The following KSR2 variants were observed in gnomAD, a reference collection of about 807,000 sequenced individuals.
The protein encoded by KSR2 is kinase suppressor of ras 2.
KSR2 carries 25 observed loss-of-function variants against 107.8 expected under a neutral mutation model. The observed-to-expected ratio is 0.23, with a 90% CI of 0.17 to 0.32. KSR2 has a LOEUF of 0.32. Among genes scored for constraint, KSR2 ranks in the 10% least tolerant of loss-of-function variants. The pLI is 1.00. For synonymous variants in KSR2, 480 were observed against 507.0 expected, an observed-to-expected ratio of 0.95 and a Z score of 0.71; for missense variants, 887 against 1,268.9, an observed-to-expected ratio of 0.70 and a Z score of 4.57.
intron 3 of KSR2, among the ~76,000 whole-genome samples, chr12:117,820,687 C>T (rs1891534122): frequency 6.6e-6 from 1 of 151,986 alleles, no homozygotes; most frequent in African/African-American, 2.4e-5. Context: ...CCTTCCCCTA[C>T]AACCCAGAGG....
chr12:117,862,303 G>A (rs903217541), intron 1 of KSR2, among the ~76,000 whole-genome samples: 3 of 152,054 alleles, frequency 2.0e-5, no homozygotes, highest in African/African-American at 7.2e-5. Context: ...TAGGTATGGA[G>A]GTGTCTGTGG....
At chr12:117,622,029 G>A (rs1334064996) in intron 5 of KSR2, among the ~76,000 whole-genome samples, 1 of 152,036 alleles carries the variant, frequency 6.6e-6, no homozygotes, top group African/African-American at 2.4e-5. Context: ...AATAATCTCA[G>A]TGAGCACATG....
intron 3 of KSR2, among the ~76,000 whole-genome samples, chr12:117,783,461 G>T (rs1009523259): frequency 3.3e-5 from 5 of 152,182 alleles, no homozygotes; most frequent in Non-Finnish European, 7.3e-5. Context: ...CACCTCATAG[G>T]ATTGTTTTGA....
At chr12:117,949,038 G>A (rs1461741213) in intron 1 of KSR2, among the ~76,000 whole-genome samples, 3 of 152,150 alleles carry the variant, frequency 2.0e-5, no homozygotes, top group East Asian at 1.9e-4. Context: ...AGGTTGCAGC[G>A]AGCTGAGATT....
intron 3 of KSR2, among the ~76,000 whole-genome samples, chr12:117,821,442 A>G (rs1206761735): frequency 6.6e-6 from 1 of 151,962 alleles, no homozygotes; most frequent in Non-Finnish European, 1.5e-5. Context: ...CTTCCTTATG[A>G]TTTTCTTAAT....
intron 1 of KSR2, among the ~76,000 whole-genome samples, chr12:117,931,301 G>T (rs1895689486): frequency 6.6e-6 from 1 of 152,106 alleles, no homozygotes; most frequent in Non-Finnish European, 1.5e-5. Flanking sequence ...GATGACCTGG[G>T]AATTCATTTT....
At chr12:117,678,758 GACA>G (rs1359655982) in intron 4 of KSR2, among the ~76,000 whole-genome samples, 2 of 152,176 alleles carry the variant, frequency 1.3e-5, no homozygotes, top group Admixed American at 1.3e-4. Flanking sequence ...GAGGACAATG[GACA>G]ACATGATGTG....
intron 5 of KSR2, among the ~76,000 whole-genome samples, chr12:117,656,544 G>A (rs1020609949): frequency 6.6e-6 from 1 of 152,208 alleles, no homozygotes. Flanking sequence ...AACCCAGGAG[G>A]TGGAGGCTGT....
At chr12:117,652,206 A>G (rs186700229) in intron 5 of KSR2, among the ~76,000 whole-genome samples, 163 of 152,330 alleles carry the variant, frequency 1.1e-3, no homozygotes, top group Non-Finnish European at 1.9e-3. Flanking sequence ...AATATGGTAC[A>G]GTGTATACTG....
At chr12:117,589,514 A>G (rs1880197722) in intron 5 of KSR2, among the ~76,000 whole-genome samples, 1 of 152,090 alleles carries the variant, frequency 6.6e-6, no homozygotes, top group South Asian at 2.1e-4. Flanking sequence ...GACATGACAG[A>G]CTGAGTGAGA....
intron 3 of KSR2, among the ~76,000 whole-genome samples, chr12:117,817,023 A>G (rs571489195): frequency 6.6e-6 from 1 of 152,210 alleles, no homozygotes; most frequent in African/African-American, 2.4e-5. Flanking sequence ...AAGGAAACCA[A>G]TGGAAAGATG....
chr12:117,795,343 G>A, intron 3 of KSR2, among the ~76,000 whole-genome samples: 1 of 152,150 alleles, frequency 6.6e-6, no homozygotes, highest in African/African-American at 2.4e-5. Context: ...CATCATCTTT[G>A]CCTCCTCCTG....
chr12:117,601,546 G>A (rs926082063), intron 5 of KSR2, among the ~76,000 whole-genome samples: 7 of 152,116 alleles, frequency 4.6e-5, no homozygotes, highest in Admixed American at 6.6e-5. Flanking sequence ...ATGAGATCAC[G>A]GAGGCAGAGA....
intron 3 of KSR2, among the ~76,000 whole-genome samples, chr12:117,827,619 T>G (rs1201789629): frequency 2.6e-5 from 4 of 152,250 alleles, no homozygotes; most frequent in African/African-American, 9.6e-5. Context: ...AAATAGTTGA[T>G]CAATGATGTT....
At chr12:117,946,614 A>T (rs1896187121) in intron 1 of KSR2, among the ~76,000 whole-genome samples, 1 of 152,160 alleles carries the variant, frequency 6.6e-6, no homozygotes. Context: ...CACACAAAAA[A>T]TTACTTAGGC....
At chr12:117,718,873 T>C (rs945703406) in intron 4 of KSR2, among the ~76,000 whole-genome samples, 37 of 152,160 alleles carry the variant, frequency 2.4e-4, no homozygotes, top group African/African-American at 8.7e-4. Flanking sequence ...ATCATGAACA[T>C]GGAGACTCTG....
At chr12:117,516,271 C>A (rs1199178780) in intron 14 of KSR2, among the ~76,000 whole-genome samples, 1 of 152,058 alleles carries the variant, frequency 6.6e-6, no homozygotes, top group East Asian at 1.9e-4. Context: ...AGCTTGAGAC[C>A]AGGATATCTA....
chr12:117,785,445 C>CAAAAAAAAAAAAA (rs1890036137), intron 3 of KSR2, among the ~76,000 whole-genome samples: 1 of 66,354 alleles, frequency 1.5e-5, no homozygotes. Flanking sequence ...AAAAAAAAAG[C>CAAAAAAAAAAAAA]AATCAATAGG....
At chr12:117,708,157 C>T (rs1163397563) in intron 4 of KSR2, among the ~76,000 whole-genome samples, 1 of 152,166 alleles carries the variant, frequency 6.6e-6, no homozygotes, top group Non-Finnish European at 1.5e-5. Context: ...GACAGTTTGG[C>T]AAAATAAATG....
Sources: allele counts gnomAD v4.1 joint callset (sites outside exome capture counted in the v4.1 genomes callset), GRCh38; gene constraint gnomAD v4.1.1; transcripts MANE v1.5; gene names NCBI Gene and HGNC (gene_info 2026-07-23, HGNC 2026-07-21).